Variants in VSTM4 observed in about 807,000 individuals in gnomAD.
The protein encoded by VSTM4 is V-set and transmembrane domain containing 4.
Under a neutral mutation model 36.4 loss-of-function variants are expected in VSTM4, and 20 were observed. The observed-to-expected ratio is 0.55, with a 90% CI of 0.39 to 0.80. The LOEUF (loss-of-function observed/expected upper bound fraction) is 0.80. Ranked by LOEUF, VSTM4 falls within the 30% of genes least tolerant of loss-of-function variation. The probability of loss-of-function intolerance (pLI) is 0.00; values close to 1 mark genes in which losing one functional copy is unlikely to be tolerated. For missense variants in VSTM4, 392 were observed against 404.5 expected (o/e 0.97, Z 0.26); for synonymous variants, 182 against 173.9 (o/e 1.05, Z -0.37).
In VSTM4 at chr10:49,017,222, T is replaced by G. The variant is rs1158314638; in HGVS notation, c.*2428A>C. 1 of 152,224 alleles carries G rather than the reference T, an allele frequency of 6.6e-6. No individual in the cohort carries two copies. The highest frequency in any genetic ancestry group is 6.5e-5 in the Admixed American group (1 of 15,286). The allele number at this position is 152,224 out of a possible 1,614,324, so 9.4% of individuals were successfully genotyped here. ...TTTTTTAAGCTTACTATGGCAATAA[T>G]GTCAATATATCCTCTCAAACAAGCA... is the stretch of plus-strand genomic sequence containing the variant. On this transcript the variant is annotated 3_prime_UTR_variant, in exon 8 of 8. Coordinates refer to ENST00000332853, the MANE Select transcript of VSTM4 (RefSeq NM_001031746.5).
intron 2 of VSTM4, chr10:49,102,700 A>T (rs1241769352): frequency 2.0e-6 from 2 of 985,362 alleles, no homozygotes; most frequent in Non-Finnish European, 2.4e-6. Flanking sequence ...GACTACATCC[A>T]CCAAGTCACG....
intron 7 of VSTM4, among the ~76,000 whole-genome samples, chr10:49,031,868 T>C (rs1383765913): frequency 6.6e-6 from 1 of 152,146 alleles, no homozygotes; most frequent in Admixed American, 6.5e-5. Context: ...TGGATCTCCA[T>C]GTGTTTCCTG....
intron 1 of VSTM4, among the ~76,000 whole-genome samples, chr10:49,108,571 G>C (rs963952373): frequency 6.6e-6 from 1 of 152,238 alleles, no homozygotes; most frequent in Admixed American, 6.5e-5. Context: ...GGGCAGATGA[G>C]TAGTAAGGTC....
chr10:49,079,224 G>A (rs1844235743), intron 3 of VSTM4, among the ~76,000 whole-genome samples: 2 of 151,614 alleles, frequency 1.3e-5, no homozygotes, highest in South Asian at 4.2e-4. Context: ...CTCTTTTAGA[G>A]ATAAGGTCTC....
Position 49,044,183 on chromosome 10 carries a change from C to A in VSTM4, c.837+2800G>T, listed in dbSNP as rs1187301516. On this transcript the variant is annotated intron_variant, in intron 7 of 7. Transcript: ENST00000332853. ...ACTCTACTAAAAATACAAAAACTAACCTAGCATAGTGGCATGCACCTGTAA... is the reference window on the plus strand; with the variant it reads ...ACTCTACTAAAAATACAAAAACTAAACTAGCATAGTGGCATGCACCTGTAA... Among the ~76,000 whole-genome samples, 6 of 152,022 alleles carry A rather than the reference C, an allele frequency of 3.9e-5. 1 individual carries two copies. The highest frequency in any genetic ancestry group is 8.8e-5 in the Non-Finnish European group (6 of 68,016).
At chr10:49,041,923 G>T (rs1843527081) in intron 7 of VSTM4, among the ~76,000 whole-genome samples, 1 of 152,160 alleles carries the variant, frequency 6.6e-6, no homozygotes, top group Non-Finnish European at 1.5e-5. Flanking sequence ...TTATTAGAAG[G>T]GGTAAGAGAC....
intron 7 of VSTM4, among the ~76,000 whole-genome samples, chr10:49,040,871 G>T (rs1009094625): frequency 6.6e-6 from 1 of 152,160 alleles, no homozygotes; most frequent in African/African-American, 2.4e-5. Flanking sequence ...TTGTCAGATT[G>T]GTTTCTAGAC....
chr10:49,021,774 C>A (rs1843185092), intron 7 of VSTM4, among the ~76,000 whole-genome samples: 1 of 152,100 alleles, frequency 6.6e-6, no homozygotes, highest in South Asian at 2.1e-4. Flanking sequence ...AAGCAAATAA[C>A]TGTAAACACT....
intron 7 of VSTM4, among the ~76,000 whole-genome samples, chr10:49,033,188 C>T (rs936253547): frequency 2.6e-5 from 4 of 152,140 alleles, no homozygotes; most frequent in African/African-American, 9.7e-5. Flanking sequence ...AATGATGATA[C>T]TGTAACACTT....
At chr10:49,046,245 A>T (rs981381186) in intron 7 of VSTM4, among the ~76,000 whole-genome samples, 1 of 152,142 alleles carries the variant, frequency 6.6e-6, no homozygotes, top group Non-Finnish European at 1.5e-5. Flanking sequence ...TGCTCAGAAA[A>T]CCTCAGAGAG....
At chr10:49,105,957 C>A (rs912585555) in intron 2 of VSTM4, among the ~76,000 whole-genome samples, 2 of 152,072 alleles carry the variant, frequency 1.3e-5, no homozygotes, top group African/African-American at 4.8e-5. Context: ...TGGCCCAGCC[C>A]TTGATGATCT....
intron 6 of VSTM4, among the ~76,000 whole-genome samples, chr10:49,047,442 T>C (rs1843629554): frequency 6.6e-6 from 1 of 151,744 alleles, no homozygotes; most frequent in East Asian, 1.9e-4. Flanking sequence ...TCAGGGAGGG[T>C]CTTATTGTCC....
intron 2 of VSTM4, among the ~76,000 whole-genome samples, chr10:49,100,583 A>C (rs540931923): frequency 6.7e-6 from 1 of 149,268 alleles, no homozygotes; most frequent in Non-Finnish European, 1.5e-5. Flanking sequence ...AAAGACATTT[A>C]AAAAAAAAAC....
intron 7 of VSTM4, among the ~76,000 whole-genome samples, chr10:49,046,483 A>C (rs1843612810): frequency 6.6e-6 from 1 of 152,248 alleles, no homozygotes; most frequent in African/African-American, 2.4e-5. Flanking sequence ...AATAGCAATG[A>C]ACCGATGTTA....
chr10:49,108,918 G>A (rs978083539), intron 1 of VSTM4, among the ~76,000 whole-genome samples: 5 of 152,090 alleles, frequency 3.3e-5, no homozygotes, highest in Non-Finnish European at 7.4e-5. Context: ...CAGGAGCCAC[G>A]ATTCATGGTG....
intron 7 of VSTM4, among the ~76,000 whole-genome samples, chr10:49,039,866 G>A (rs537263358): frequency 6.6e-5 from 10 of 152,322 alleles, no homozygotes; most frequent in African/African-American, 2.4e-4. Flanking sequence ...CTTGGCCTCT[G>A]AATCAATAAC....
chr10:49,033,202 A>G (rs770975238), intron 7 of VSTM4, among the ~76,000 whole-genome samples: 2 of 152,234 alleles, frequency 1.3e-5, no homozygotes, highest in Non-Finnish European at 2.9e-5. Context: ...AACACTTTGC[A>G]GTCATTAAAG....
rs767202682 is a variant in VSTM4, at chr10:49,085,949, C to A, written c.526+6G>T. ...GCAATAAAAAAAAGAAATATACAAGCTTTACCTTCAAAAAATGCCCAAGTC... is the reference window on the plus strand; with the variant it reads ...GCAATAAAAAAAAGAAATATACAAGATTTACCTTCAAAAAATGCCCAAGTC... On this transcript the variant is annotated splice_donor_region_variant and intron_variant, in intron 3 of 7. Transcript: ENST00000332853. 11 of 1,571,194 alleles carry A rather than the reference C, an allele frequency of 7.0e-6. No individual in the cohort carries two copies. The highest frequency in any genetic ancestry group is 3.6e-5 in the South Asian group (3 of 84,112).
rs958652374 is a variant in VSTM4 at position 49,115,499 on chromosome 10, C to G, written c.-14G>C. ...CAGCAGCCGCATCTCCCCGCCGCCG[C>G]CCGGCGCTGTGACGCGGGAGAGCGC... On this transcript the variant is annotated 5_prime_UTR_variant, in exon 1 of 8. Transcript: ENST00000332853. 5 of 994,186 alleles carry G rather than the reference C, an allele frequency of 5.0e-6. No homozygotes were observed. In the African/African-American group the frequency reaches 8.8e-5, roughly 17 times the overall value. The allele number at this position is 994,186 out of a possible 1,614,324, so 61.6% of individuals were successfully genotyped here.
Sources: allele counts gnomAD v4.1 joint callset (sites outside exome capture counted in the v4.1 genomes callset), GRCh38; gene constraint gnomAD v4.1.1; transcripts MANE v1.5; gene names NCBI Gene and HGNC (gene_info 2026-07-23, HGNC 2026-07-21).